SLC38A12: variants seen among roughly 807,000 people sequenced by gnomAD.
SLC38A12 encodes solute carrier family 38 member 12, also known as putative sodium-coupled neutral amino acid transporter 12.
chr17:74,806,075 G>C, the SLC38A12 span, among the ~76,000 whole-genome samples: 1 of 152,240 alleles, frequency 6.6e-6, no homozygotes, highest in Admixed American at 6.5e-5. Flanking sequence ...ATTCCTGGCA[G>C]AATCAGGTGG....
chr17:74,837,345 G>T, the SLC38A12 span: 1 of 985,538 alleles, frequency 1.0e-6, no homozygotes, highest in Non-Finnish European at 1.2e-6. Context: ...GCGAGCTCCG[G>T]AGTAGCAGGC....
At chr17:74,832,100 G>T in the SLC38A12 span, among the ~76,000 whole-genome samples, 1 of 152,108 alleles carries the variant, frequency 6.6e-6, no homozygotes, top group African/African-American at 2.4e-5. Flanking sequence ...CAGGAGCCTC[G>T]CCAGGTGGGC....
the SLC38A12 span, chr17:74,819,779 C>T: frequency 6.2e-7 from 1 of 1,614,248 alleles, no homozygotes; most frequent in Non-Finnish European, 8.5e-7. Context: ...TCGGACCGTT[C>T]ACCTTCTTTG....
the SLC38A12 span, chr17:74,788,778 G>T: frequency 6.2e-7 from 1 of 1,611,598 alleles, no homozygotes. Flanking sequence ...CTGGGCACTC[G>T]GCCCCCTCAG....
At chr17:74,839,290 C>A in the SLC38A12 span, 1 of 1,046,768 alleles carries the variant, frequency 9.6e-7, no homozygotes, top group Non-Finnish European at 1.3e-6. Flanking sequence ...CAGGGAGCAG[C>A]CTCGGCAACA....
the SLC38A12 span, among the ~76,000 whole-genome samples, chr17:74,815,955 C>A: frequency 6.6e-6 from 1 of 152,162 alleles, no homozygotes; most frequent in Non-Finnish European, 1.5e-5. Flanking sequence ...TCCAGGAAAT[C>A]TCCAGGCACA....
chr17:74,820,163 C>T, the SLC38A12 span, among the ~76,000 whole-genome samples: 1 of 152,242 alleles, frequency 6.6e-6, no homozygotes, highest in African/African-American at 2.4e-5. Context: ...ATGCTGGGTG[C>T]CCACTGACCC....
At chr17:74,830,546 C>T in the SLC38A12 span, among the ~76,000 whole-genome samples, 1 of 152,354 alleles carries the variant, frequency 6.6e-6, no homozygotes, top group South Asian at 2.1e-4. Flanking sequence ...GTTATAAGAA[C>T]ATATCTTGAT....
chr17:74,795,939 G>T, the SLC38A12 span, among the ~76,000 whole-genome samples: 2 of 152,204 alleles, frequency 1.3e-5, no homozygotes, highest in African/African-American at 4.8e-5. Flanking sequence ...GCCGACCTCA[G>T]CAGAGTTCTC....
the SLC38A12 span, among the ~76,000 whole-genome samples, chr17:74,823,952 C>G: frequency 6.6e-6 from 1 of 152,272 alleles, no homozygotes; most frequent in Non-Finnish European, 1.5e-5. Flanking sequence ...TAGCGCAGCA[C>G]CTGCACAGTG....
At chr17:74,838,909 G>A in the SLC38A12 span, 1 of 1,535,754 alleles carries the variant, frequency 6.5e-7, no homozygotes, top group East Asian at 2.4e-5. Flanking sequence ...GGTCAGTGAT[G>A]GGAAGAGCAG....
the SLC38A12 span, chr17:74,836,777 C>A: frequency 6.7e-7 from 1 of 1,492,198 alleles, no homozygotes; most frequent in Non-Finnish European, 8.9e-7. This position sits in a 1 kb window ranked among gnomAD's most constrained non-coding sequence, Gnocchi z 4.2. Context: ...GCTCCCAGGT[C>A]TTCATGGGGC....
the SLC38A12 span, among the ~76,000 whole-genome samples, chr17:74,816,687 GTTTTTTTTTA>G: frequency 5.4e-5 from 8 of 147,776 alleles, no homozygotes; most frequent in Admixed American, 5.4e-4. Flanking sequence ...GTTTTTTTTT[GTTTTTTTTTA>G]GAAATGTGCT....
chr17:74,793,722 G>T, the SLC38A12 span, among the ~76,000 whole-genome samples: 3 of 152,184 alleles, frequency 2.0e-5, no homozygotes, highest in Non-Finnish European at 4.4e-5. Flanking sequence ...TGTACCTGGA[G>T]CCTGGGCCTG....
chr17:74,780,445 T>C, the SLC38A12 span, among the ~76,000 whole-genome samples: 1 of 152,258 alleles, frequency 6.6e-6, no homozygotes, highest in South Asian at 2.1e-4. Context: ...GATAACTCAG[T>C]TTAGAATGCA....
the SLC38A12 span, among the ~76,000 whole-genome samples, chr17:74,806,916 C>T: frequency 6.6e-6 from 1 of 152,312 alleles, no homozygotes; most frequent in Non-Finnish European, 1.5e-5. Context: ...GTGTGCACAC[C>T]CAGCGCCTCA....
chr17:74,804,351 T>C, the SLC38A12 span, among the ~76,000 whole-genome samples: 3 of 152,252 alleles, frequency 2.0e-5, no homozygotes, highest in Non-Finnish European at 4.4e-5. Context: ...GCAGCACCTG[T>C]GTGCAGAGAA....
chr17:74,829,549 T>A, the SLC38A12 span, among the ~76,000 whole-genome samples: 1 of 152,184 alleles, frequency 6.6e-6, no homozygotes, highest in Non-Finnish European at 1.5e-5. The surrounding 1 kb of genome is among the most constrained non-coding windows in gnomAD (Gnocchi z 4.1). Flanking sequence ...AATGGGTTTG[T>A]TGCCACCTTC....
At chr17:74,778,773 A>G in the SLC38A12 span, among the ~76,000 whole-genome samples, 5 of 148,652 alleles carry the variant, frequency 3.4e-5, no homozygotes, top group Non-Finnish European at 5.9e-5. Flanking sequence ...GGTTCAAGCA[A>G]TTCTCCTGCC....
Sources: gnomAD v4.1 joint callset for allele counts (sites outside exome capture counted in the v4.1 genomes callset) on GRCh38, gnomAD v4.1.1 for gene constraint, Gnocchi (gnomAD v3.1) non-coding constraint, MANE v1.5 for transcripts, NCBI Gene and HGNC (gene_info 2026-07-23, HGNC 2026-07-21) for gene names.